Variants in KIAA1586 observed in about 807,000 individuals in gnomAD.
The protein encoded by KIAA1586 is KIAA1586, also known as E3 SUMO-protein ligase KIAA1586.
Under a neutral mutation model 6.1 loss-of-function variants are expected in KIAA1586, and 5 were observed. That is an observed-to-expected ratio of 0.82 (90% CI 0.43 to 1.73). The LOEUF is 1.73. Among genes scored for constraint, KIAA1586 ranks in the 40% most tolerant of loss-of-function variants. KIAA1586 has a pLI of 0.02. For synonymous variants in KIAA1586, 280 were observed against 301.7 expected, an observed-to-expected ratio of 0.93 and a Z score of 0.75; for missense variants, 899 against 878.2, an observed-to-expected ratio of 1.02 and a Z score of -0.30.
intron 2 of KIAA1586, among the ~76,000 whole-genome samples, chr6:57,047,973 A>AT (rs1400486503): frequency 6.8e-6 from 1 of 147,862 alleles, no homozygotes; most frequent in Non-Finnish European, 1.5e-5. Context: ...AAACAGGCAG[A>AT]TTCCTGGGCC....
the KIAA1586 span, among the ~76,000 whole-genome samples, chr6:57,063,692 G>A: frequency 3.3e-5 from 5 of 151,900 alleles, no homozygotes; most frequent in African/African-American, 9.7e-5. Flanking sequence ...GACCTCAAGC[G>A]ATCTGCCCGC....
At chr6:57,065,118 G>A in the KIAA1586 span, among the ~76,000 whole-genome samples, 3 of 152,086 alleles carry the variant, frequency 2.0e-5, no homozygotes, top group Non-Finnish European at 4.4e-5. Flanking sequence ...CAGATTTGCT[G>A]TTCATAAGGG....
chr6:57,059,898 C>T (rs1562573877), downstream of KIAA1586, among the ~76,000 whole-genome samples: 1 of 152,276 alleles, frequency 6.6e-6, no homozygotes, highest in Non-Finnish European at 1.5e-5. Context: ...TCTTCATCCA[C>T]CTTGCCCTGT....
chr6:57,060,914 G>A, the KIAA1586 span, among the ~76,000 whole-genome samples: 1 of 151,894 alleles, frequency 6.6e-6, no homozygotes, highest in South Asian at 2.1e-4. Context: ...GCCTCCCAAA[G>A]TGCTGGGATT....
chr6:57,060,962 A>AT, the KIAA1586 span, among the ~76,000 whole-genome samples: 1 of 144,256 alleles, frequency 6.9e-6, no homozygotes, highest in Non-Finnish European at 1.5e-5. Context: ...GAAATATGTG[A>AT]TTTTAAATTA....
the KIAA1586 span, among the ~76,000 whole-genome samples, chr6:57,066,780 C>A: frequency 1.1e-4 from 17 of 152,076 alleles, no homozygotes; most frequent in Admixed American, 8.5e-4. Flanking sequence ...TGTTAAGTGG[C>A]ACCTTACCTC....
chr6:57,059,422 C>G (rs1190159799), downstream of KIAA1586, among the ~76,000 whole-genome samples: 3 of 151,946 alleles, frequency 2.0e-5, no homozygotes, highest in African/African-American at 7.3e-5. Flanking sequence ...GAAACCCCGT[C>G]TCTACTAAAA....
intron 3 of KIAA1586, 49 bp from the exon 4 acceptor site, chr6:57,052,637 C>T (rs1441234094): frequency 7.0e-7 from 1 of 1,419,352 alleles, no homozygotes; most frequent in Admixed American, 2.4e-5. Context: ...TTTACATTGA[C>T]CCTTAAAGTG....
Position 57,050,872 on chromosome 6 carries a change from G to C in KIAA1586, c.186+18G>C, listed in dbSNP as rs773728814. On this transcript the variant is annotated intron_variant, in intron 3 of 3. Coordinates refer to ENST00000370733, the MANE Select transcript of KIAA1586 (RefSeq NM_020931.4). The stretch of plus-strand genomic sequence containing the variant: ...ATAGTGATGTAAGCACATTATATTT[G>C]TGTTTGTTCAGTTTTCTTATTAAGT... 1 of 1,565,396 alleles carries C rather than the reference G, an allele frequency of 6.4e-7. No homozygotes were observed. Among genetic ancestry groups the C allele is most frequent in the East Asian group, 2.2e-5 (1 of 44,576 alleles).
downstream of KIAA1586, among the ~76,000 whole-genome samples, chr6:57,056,551 T>C (rs1828500971): frequency 1.3e-5 from 2 of 151,414 alleles, no homozygotes; most frequent in Non-Finnish European, 2.9e-5. Flanking sequence ...GGTTTTTTTT[T>C]TTTTTGGATG....
At chr6:57,057,838 T>C (rs1284354023), downstream of KIAA1586, among the ~76,000 whole-genome samples, 3 of 152,292 alleles carry the variant, frequency 2.0e-5, no homozygotes, top group East Asian at 5.8e-4. Flanking sequence ...GGGTCTTGCT[T>C]TGTCGCCCAG....
the KIAA1586 span, among the ~76,000 whole-genome samples, chr6:57,065,130 C>T: frequency 6.6e-6 from 1 of 152,056 alleles, no homozygotes; most frequent in Non-Finnish European, 1.5e-5. Flanking sequence ...TCATAAGGGA[C>T]TTTGATATTC....
In KIAA1586 at chr6:57,052,797, T is replaced by G. The variant is rs1293051331; in HGVS notation, c.298T>G (p.Leu100Val). 6.2e-7 allele frequency: 1 copy of G among 1,612,806 alleles called. No homozygotes were observed. Among genetic ancestry groups the G allele is most frequent in the Non-Finnish European group, 8.5e-7 (1 of 1,179,310 alleles). Residue 100 changes from leucine (L) to valine (V), a missense_variant, in exon 4 of 4, where the codon TTG becomes GTG. Transcript: ENST00000370733. ...TGAAGTGAGCAAAAATCACTGCAGA[T>G]TGTCTAAGGCAAAGGAACCACATTT... ...NNEVSKNHCR[L>V]SKAKEPHFEY...
the KIAA1586 span, among the ~76,000 whole-genome samples, chr6:57,064,004 A>C: frequency 1.3e-5 from 2 of 152,182 alleles, no homozygotes; most frequent in African/African-American, 4.8e-5. Flanking sequence ...GAGCACACAG[A>C]GACATGTGCC....
At position 57,046,747 on chromosome 6, in the gene KIAA1586, G is replaced by A. The variant is rs1463738477; in HGVS notation, c.-9G>A. ...GAGCAGTGGTGCTGTCAGCGCGGCC[G>A]TCGGAGACATGGGAGACCCGGGGTC... On this transcript the variant is annotated 5_prime_UTR_variant, in exon 1 of 4. Transcript: ENST00000370733. 4.3e-6 allele frequency: 7 copies of A among 1,612,694 alleles called. No homozygotes were observed. The highest frequency in any genetic ancestry group is 4.2e-6 in the Non-Finnish European group (5 of 1,179,516).
At chr6:57,065,105 T>C in the KIAA1586 span, among the ~76,000 whole-genome samples, 3 of 152,338 alleles carry the variant, frequency 2.0e-5, no homozygotes, top group African/African-American at 7.2e-5. Context: ...TTGCTGATAC[T>C]CTCAGATTTG....
At chr6:57,066,034 T>C in the KIAA1586 span, among the ~76,000 whole-genome samples, 1 of 151,822 alleles carries the variant, frequency 6.6e-6, no homozygotes, top group Non-Finnish European at 1.5e-5. Context: ...CTCAGCACTT[T>C]GGGAGGCTGA....
In KIAA1586 at chr6:57,054,323, CAATAT is replaced by C; in HGVS notation, c.1828_1832del (p.Ile610SerfsTer10). 3.2e-6 allele frequency: 5 copies of C among 1,586,386 alleles called. No individual in the cohort carries two copies. In the Admixed American group the frequency reaches 9.5e-5, roughly 30 times the overall value. ...CTCTTCCTAGGAGTATATTACTAGACAATATAATTCAGCACATGAACCTACGCCTT... is the reference window on the plus strand; with the variant it reads ...CTCTTCCTAGGAGTATATTACTAGACAATTCAGCACATGAACCTACGCCTT... On this transcript the variant is annotated frameshift_variant, in exon 4 of 4. Transcript: ENST00000370733. LOFTEE classifies it low-confidence loss of function (END_TRUNC).
At chr6:57,059,179 T>G (rs565581107), downstream of KIAA1586, among the ~76,000 whole-genome samples, 26 of 152,158 alleles carry the variant, frequency 1.7e-4, no homozygotes, top group Non-Finnish European at 3.8e-4. Context: ...AACATGCAAA[T>G]TATCACACTT....
Sources: gnomAD v4.1 joint callset for allele counts (sites outside exome capture counted in the v4.1 genomes callset) on GRCh38, gnomAD v4.1.1 for gene constraint, MANE v1.5 for transcripts, NCBI Gene and HGNC (gene_info 2026-07-23, HGNC 2026-07-21) for gene names.